Variants in ZCCHC4 observed in about 807,000 individuals in gnomAD.
ZCCHC4 encodes rRNA N(6)-adenosine-methyltransferase ZCCHC4.
ZCCHC4 carries 54 observed loss-of-function variants against 67.7 expected under a neutral mutation model. The observed-to-expected ratio is 0.80, with a 90% CI of 0.64 to 1.00. ZCCHC4 has a LOEUF of 1.00. Ranked by LOEUF, ZCCHC4 falls within the 50% of genes least tolerant of loss-of-function variation. The pLI is 0.00. For missense variants in ZCCHC4, 609 were observed against 617.0 expected, an observed-to-expected ratio of 0.99 and a Z score of 0.14; for synonymous variants, 198 against 213.5, an observed-to-expected ratio of 0.93 and a Z score of 0.63.
At chr4:25,318,349 C>CTTTTTTTTTTTTTTT (rs528144406) in intron 3 of ZCCHC4, among the ~76,000 whole-genome samples, 3 of 45,510 alleles carry the variant, frequency 6.6e-5, no homozygotes, top group East Asian at 8.0e-4. Flanking sequence ...CACTCTCTCT[C>CTTTTTTTTTTTTTTT]TTTTTTTTTT....
chr4:25,322,341 C>T (rs565046804), intron 3 of ZCCHC4, among the ~76,000 whole-genome samples: 73 of 152,242 alleles, frequency 4.8e-4, no homozygotes, highest in Non-Finnish European at 2.8e-4. Context: ...TCCCATTTCC[C>T]CACTCCCCAC....
At position 25,323,799 on chromosome 4, in the gene ZCCHC4, A is replaced by AT. The variant is rs145075735; in HGVS notation, c.329+8403dup. On this transcript the variant is annotated intron_variant, in intron 3 of 12. Transcript: ENST00000302874. ...ATATTTAAAATGTACCATTTGATGA[A>AT]TTTTGACATATACATCTGCCCGTGA... Among the ~76,000 whole-genome samples, 1,487 of 152,180 alleles carry AT rather than the reference A, an allele frequency of 9.8e-3. 37 individuals carry two copies. The highest frequency in any genetic ancestry group is 0.033 in the African/African-American group (1,389 of 41,514).
chr4:25,350,956 C>T (rs1720271779), intron 7 of ZCCHC4, among the ~76,000 whole-genome samples: 2 of 152,010 alleles, frequency 1.3e-5, no homozygotes. Context: ...ATAGAATGTA[C>T]TTATTATAGC....
chr4:25,348,157 G>A (rs745983164), intron 6 of ZCCHC4, among the ~76,000 whole-genome samples: 2 of 152,142 alleles, frequency 1.3e-5, no homozygotes, highest in Non-Finnish European at 2.9e-5. Context: ...GCAGGTTAAG[G>A]AAGTGCCAGA....
intron 2 of ZCCHC4, 110 bp from the exon 3 acceptor site, chr4:25,315,208 C>T: frequency 3.3e-6 from 3 of 908,348 alleles, no homozygotes; most frequent in Non-Finnish European, 3.3e-6. Context: ...AAATGAATGC[C>T]TGTTGAGTTG....
At chr4:25,343,103 C>T (rs886335159) in intron 5 of ZCCHC4, among the ~76,000 whole-genome samples, 2 of 152,256 alleles carry the variant, frequency 1.3e-5, no homozygotes, top group Non-Finnish European at 2.9e-5. Context: ...CATGGTTGTA[C>T]TAGTACTAAT....
intron 6 of ZCCHC4, 117 bp from the exon 7 acceptor site, chr4:25,349,375 T>C: frequency 1.1e-6 from 1 of 932,544 alleles, no homozygotes; most frequent in South Asian, 1.9e-5. Context: ...GGTGGCAAGA[T>C]GACTTGGTAA....
At chr4:25,322,562 T>A (rs1033744467) in intron 3 of ZCCHC4, among the ~76,000 whole-genome samples, 4 of 152,150 alleles carry the variant, frequency 2.6e-5, no homozygotes, top group African/African-American at 9.7e-5. Context: ...TCACCCAGGG[T>A]GGAGTGCAGT....
In ZCCHC4 at chr4:25,323,078, T is replaced by G. The variant is rs1333330726; in HGVS notation, c.329+7678T>G. ...TGTGATATTAAGATTAATCACGTGT[T>G]CAGGTATTAGCCGGCAATAAACCAT... On this transcript the variant is annotated intron_variant, in intron 3 of 12. Coordinates refer to ENST00000302874, the MANE Select transcript of ZCCHC4 (RefSeq NM_024936.3). 3.3e-5 allele frequency among the ~76,000 whole-genome samples: 5 copies of G among 152,222 alleles called. No individual in the cohort carries two copies. In the East Asian group the frequency reaches 9.6e-4, roughly 29 times the overall value.
At chr4:25,351,763 T>A in intron 8 of ZCCHC4, 74 bp downstream of exon 8, 1 of 1,290,976 alleles carries the variant, frequency 7.7e-7, no homozygotes, top group South Asian at 1.4e-5. Flanking sequence ...AGACTATTCA[T>A]TGATTTTAGT....
At chr4:25,352,928 C>T (rs138851382) in intron 8 of ZCCHC4, among the ~76,000 whole-genome samples, 1 of 152,342 alleles carries the variant, frequency 6.6e-6, no homozygotes, top group African/African-American at 2.4e-5. Flanking sequence ...GTAAAAGACT[C>T]TACTTGTGAT....
intron 8 of ZCCHC4, among the ~76,000 whole-genome samples, chr4:25,360,419 T>A (rs183802722): frequency 6.6e-6 from 1 of 152,344 alleles, no homozygotes; most frequent in Non-Finnish European, 1.5e-5. Flanking sequence ...ACCCTTGGGC[T>A]TTTGGTCCCA....
rs919757333 is a variant in ZCCHC4 at position 25,327,031 on chromosome 4, T to C, written c.330-6152T>C. Among the ~76,000 whole-genome samples the C allele has an allele frequency of 8.5e-5, 13 of 152,368 alleles. No individual in the cohort carries two copies. The South Asian group carries it at 1.0e-3, about 12-fold the overall frequency. ...CTAACAATACAGTTGATTTTATATA[T>C]TGATCTTTTATTTTGAAATCTTGAT... is the stretch of plus-strand genomic sequence containing the variant. On this transcript the variant is annotated intron_variant, in intron 3 of 12. Coordinates refer to ENST00000302874, the MANE Select transcript of ZCCHC4 (RefSeq NM_024936.3).
At chr4:25,345,117 A>T (rs1260752839) in intron 5 of ZCCHC4, among the ~76,000 whole-genome samples, 1 of 151,606 alleles carries the variant, frequency 6.6e-6, no homozygotes, top group South Asian at 2.1e-4. Context: ...TTAAATACTT[A>T]AAAAAAAATC....
At chr4:25,333,137 C>T (rs759602897) in intron 3 of ZCCHC4, 46 bp from the exon 4 acceptor site, 8 of 1,571,828 alleles carry the variant, frequency 5.1e-6, no homozygotes, top group Non-Finnish European at 6.9e-6. Context: ...GTGTTTACAA[C>T]AATAAACTTA....
chr4:25,351,801 A>G (rs1720312563), intron 8 of ZCCHC4, 112 bp downstream of exon 8: 8 of 1,069,290 alleles, frequency 7.5e-6, no homozygotes, highest in Non-Finnish European at 1.0e-5. Flanking sequence ...ATTAAACACT[A>G]ATATTATACC....
chr4:25,356,251 G>A (rs1303596337), intron 8 of ZCCHC4, among the ~76,000 whole-genome samples: 1 of 152,122 alleles, frequency 6.6e-6, no homozygotes, highest in Non-Finnish European at 1.5e-5. Flanking sequence ...GATAATGATG[G>A]GAAAATGGTG....
At chr4:25,364,702 C>A (rs1461584731) in intron 11 of ZCCHC4, among the ~76,000 whole-genome samples, 197 bp downstream of exon 11, 3 of 152,146 alleles carry the variant, frequency 2.0e-5, no homozygotes, top group Non-Finnish European at 4.4e-5. Context: ...TGATTGCTAA[C>A]CTGTTTCAGT....
Position 25,346,017 on chromosome 4 carries a change from C to CT in ZCCHC4, c.759+401dup, listed in dbSNP as rs1397285350. Among the ~76,000 whole-genome samples the CT allele has an allele frequency of 2.0e-5, 3 of 152,170 alleles. No homozygotes were observed. The East Asian group carries it at 5.8e-4, about 29-fold the overall frequency. On this transcript the variant is annotated intron_variant, in intron 6 of 12. Transcript: ENST00000302874. ...TGCTGTTCCTGCTGGTTTCTGCTGT[C>CT]TTTTGCCTTGATAACCTCCACTCAT...
Sources: gnomAD v4.1 joint callset for allele counts (sites outside exome capture counted in the v4.1 genomes callset) on GRCh38, gnomAD v4.1.1 for gene constraint, MANE v1.5 for transcripts, NCBI Gene and HGNC (gene_info 2026-07-23, HGNC 2026-07-21) for gene names.